Variants in LRP1B observed in about 807,000 individuals in gnomAD.
LRP1B encodes the protein low-density lipoprotein receptor-related protein 1B.
LRP1B carries 217 observed loss-of-function variants against 556.6 expected under a neutral mutation model. The ratio of observed to expected loss-of-function variants is 0.39; its 90% CI spans 0.35 to 0.44. LRP1B has a LOEUF of 0.44. Among genes scored for constraint, LRP1B ranks in the 20% least tolerant of loss-of-function variants. The pLI, the probability that LRP1B is intolerant of heterozygous loss-of-function variation, is 1.00. For missense variants in LRP1B, 5,053 were observed against 5,620.8 expected (o/e 0.90, Z 3.23); for synonymous variants, 2,047 against 1,865.8 (o/e 1.10, Z -2.50).
intron 31 of LRP1B, among the ~76,000 whole-genome samples, chr2:140,815,709 T>C (rs923708268): frequency 5.3e-5 from 8 of 152,146 alleles, no homozygotes; most frequent in African/African-American, 1.9e-4. Context: ...ATGTACGTGA[T>C]TCTACAATAT....
At chr2:140,392,476 A>T (rs1022499957) in intron 66 of LRP1B, among the ~76,000 whole-genome samples, 1 of 151,954 alleles carries the variant, frequency 6.6e-6, no homozygotes, top group African/African-American at 2.4e-5. Context: ...CAGTGCAAGG[A>T]TTCAAAAGAA....
chr2:142,124,940 A>G (rs563667848), intron 1 of LRP1B, among the ~76,000 whole-genome samples: 1 of 150,732 alleles, frequency 6.6e-6, no homozygotes, highest in African/African-American at 2.4e-5. Flanking sequence ...TTTGATTTCC[A>G]TTTAGTTACT....
chr2:140,610,734 C>T (rs557569025), intron 41 of LRP1B, among the ~76,000 whole-genome samples: 1 of 152,240 alleles, frequency 6.6e-6, no homozygotes, highest in Admixed American at 6.5e-5. Context: ...TACAGGTGCC[C>T]GCCACCATGG....
chr2:140,950,483 G>A lies in LRP1B; in HGVS notation c.2969-81C>T, dbSNP rs1695681659. ...CTTATGAAATATCTAACTGGTTTCT[G>A]TTGTTGTTGTTGTTTTTTGAGACAG... On this transcript the variant is annotated intron_variant, in intron 19 of 90. Coordinates refer to ENST00000389484, the MANE Select transcript of LRP1B (RefSeq NM_018557.3). 6 of 1,087,810 alleles carry A rather than the reference G, an allele frequency of 5.5e-6. No individual in the cohort carries two copies. The East Asian group carries it at 1.4e-4, about 25-fold the overall frequency. 67.4% of individuals were successfully genotyped at this position (1,087,810 alleles called of 1,614,324 possible).
At chr2:141,861,032 GT>G (rs1176252545) in intron 1 of LRP1B, among the ~76,000 whole-genome samples, 1 of 152,042 alleles carries the variant, frequency 6.6e-6, no homozygotes, top group Non-Finnish European at 1.5e-5. Context: ...AGATAAACAG[GT>G]TTTACTTTGT....
intron 1 of LRP1B, among the ~76,000 whole-genome samples, chr2:141,895,390 G>A (rs1002820010): frequency 6.6e-6 from 1 of 151,976 alleles, no homozygotes; most frequent in African/African-American, 2.4e-5. Flanking sequence ...TATCAACTTG[G>A]GATAGAAAGA....
chr2:141,215,231 C>T (rs915469365), intron 6 of LRP1B, among the ~76,000 whole-genome samples: 4 of 152,182 alleles, frequency 2.6e-5, no homozygotes, highest in African/African-American at 9.7e-5. Context: ...CCTTCAACTA[C>T]AGCCATGATT....
At chr2:140,799,536 T>C (rs1690431284) in intron 32 of LRP1B, among the ~76,000 whole-genome samples, 1 of 152,240 alleles carries the variant, frequency 6.6e-6, no homozygotes, top group Non-Finnish European at 1.5e-5. Flanking sequence ...AATTCCATTT[T>C]TAATTCCTGC....
intron 1 of LRP1B, among the ~76,000 whole-genome samples, chr2:141,817,187 G>A (rs1696587606): frequency 6.6e-6 from 1 of 152,262 alleles, no homozygotes; most frequent in Non-Finnish European, 1.5e-5. Context: ...GAGATAGTCA[G>A]ATTAATCTTA....
At chr2:141,639,410 A>G (rs939675723) in intron 2 of LRP1B, among the ~76,000 whole-genome samples, 4 of 134,352 alleles carry the variant, frequency 3.0e-5, no homozygotes, top group Admixed American at 7.7e-5. Context: ...ATATATGTGT[A>G]TATATATATA....
chr2:141,985,682 G>A lies in LRP1B; in HGVS notation c.82+144966C>T, dbSNP rs183295449. 4.6e-5 allele frequency among the ~76,000 whole-genome samples: 7 copies of A among 151,742 alleles called. No individual in the cohort carries two copies. The East Asian group carries it at 1.4e-3, about 29-fold the overall frequency. ...TGATGAGAATTTTGAGTTCTTCTAT[G>A]TTGATGTATTTACCTGTGTAACATT... On this transcript the variant is annotated intron_variant, in intron 1 of 90. Transcript: ENST00000389484.
intron 48 of LRP1B, 61 bp downstream of exon 48, chr2:140,526,176 G>A: frequency 2.0e-6 from 3 of 1,495,110 alleles, no homozygotes; most frequent in Non-Finnish European, 2.8e-6. Flanking sequence ...CTTGCACAGT[G>A]TTCAATGCAA....
intron 1 of LRP1B, among the ~76,000 whole-genome samples, chr2:141,939,172 T>C (rs1700722232): frequency 6.6e-6 from 1 of 151,974 alleles, no homozygotes; most frequent in African/African-American, 2.4e-5. Context: ...GAGGAGATGG[T>C]TATGTTAATT....
chr2:141,523,177 G>T (rs940982565), intron 2 of LRP1B, among the ~76,000 whole-genome samples: 2 of 151,068 alleles, frequency 1.3e-5, no homozygotes, highest in Non-Finnish European at 2.9e-5. Flanking sequence ...CATGCTCAGG[G>T]CATGAAAGAG....
At chr2:141,918,056 G>A (rs975768995) in intron 1 of LRP1B, among the ~76,000 whole-genome samples, 7 of 151,812 alleles carry the variant, frequency 4.6e-5, no homozygotes, top group East Asian at 3.9e-4. Context: ...AATGAAAATG[G>A]CAATAACTGA....
At chr2:141,237,698 G>A (rs1573695558) in intron 5 of LRP1B, among the ~76,000 whole-genome samples, 1 of 152,218 alleles carries the variant, frequency 6.6e-6, no homozygotes, top group African/African-American at 2.4e-5. Flanking sequence ...TCAGTATATT[G>A]TTTTTCTGGA....
chr2:141,286,298 A>G (rs1279882123), intron 3 of LRP1B, among the ~76,000 whole-genome samples: 2 of 152,048 alleles, frequency 1.3e-5, no homozygotes, highest in African/African-American at 2.4e-5. Flanking sequence ...TGCTTTCCTA[A>G]GCTAAACTTT....
At chr2:141,778,018 G>A (rs1313736375) in intron 2 of LRP1B, among the ~76,000 whole-genome samples, 1 of 152,172 alleles carries the variant, frequency 6.6e-6, no homozygotes, top group African/African-American at 2.4e-5. Flanking sequence ...TACATGCAAT[G>A]ATAAGTAAGC....
intron 7 of LRP1B, among the ~76,000 whole-genome samples, chr2:141,169,322 A>G (rs924781616): frequency 2.0e-5 from 3 of 149,722 alleles, no homozygotes; most frequent in African/African-American, 7.4e-5. Flanking sequence ...AAATAAATAA[A>G]TAAATAAATA....
Sources: gnomAD v4.1 joint callset for allele counts (sites outside exome capture counted in the v4.1 genomes callset) on GRCh38, gnomAD v4.1.1 for gene constraint, MANE v1.5 for transcripts, NCBI Gene and HGNC (gene_info 2026-07-23, HGNC 2026-07-21) for gene names.